Variants in PPME1 observed in about 807,000 individuals in gnomAD.
PPME1 encodes the protein testicular secretory protein Li 39.
PPME1 carries 17 observed loss-of-function variants against 56.9 expected under a neutral mutation model. The observed-to-expected ratio is 0.30, with a 90% CI of 0.20 to 0.45. The LOEUF is 0.45. Among genes scored for constraint, PPME1 ranks in the 20% least tolerant of loss-of-function variants. The probability of loss-of-function intolerance (pLI) is 1.00; values close to 1 mark genes in which losing one functional copy is unlikely to be tolerated. For synonymous variants in PPME1, 122 were observed against 156.2 expected (o/e 0.78, Z 1.63); for missense variants, 357 against 483.2 (o/e 0.74, Z 2.45).
chr11:74,240,649 C>G (rs1859332379), intron 9 of PPME1, among the ~76,000 whole-genome samples: 1 of 152,166 alleles, frequency 6.6e-6, no homozygotes, highest in Non-Finnish European at 1.5e-5. Flanking sequence ...AAATGTAATA[C>G]TTTGTACCTC....
intron 9 of PPME1, among the ~76,000 whole-genome samples, chr11:74,241,633 A>C (rs1487083376): frequency 1.3e-5 from 2 of 152,206 alleles, no homozygotes; most frequent in Non-Finnish European, 2.9e-5. Flanking sequence ...CCAGTTTCTC[A>C]GTATCCTTGT....
At chr11:74,217,541 CAAAAAAA>C (rs61139169) in intron 3 of PPME1, among the ~76,000 whole-genome samples, 8 of 79,034 alleles carry the variant, frequency 1.0e-4, no homozygotes, top group South Asian at 4.8e-4. Flanking sequence ...GACTCCGTCT[CAAAAAAA>C]AAAAAAAAAA....
chr11:74,193,319 A>G (rs1212858176), intron 1 of PPME1, among the ~76,000 whole-genome samples: 4 of 152,242 alleles, frequency 2.6e-5, no homozygotes, highest in African/African-American at 7.2e-5. Flanking sequence ...AGTTTACACA[A>G]ACTTTGTTTT....
chr11:74,192,601 G>A (rs977047125), intron 1 of PPME1, among the ~76,000 whole-genome samples: 1 of 152,174 alleles, frequency 6.6e-6, no homozygotes, highest in African/African-American at 2.4e-5. Flanking sequence ...AATCCCCAAT[G>A]CTGGAGGTGG....
Position 74,171,319 on chromosome 11 carries a change from G to A in PPME1, c.-103G>A. The A allele has an allele frequency of 1.3e-6, 2 of 1,511,646 alleles. No individual in the cohort carries two copies. The highest frequency in any genetic ancestry group is 1.8e-6 in the Non-Finnish European group (2 of 1,128,986). 93.6% of individuals were successfully genotyped at this position (1,511,646 alleles called of 1,614,324 possible). Reference sequence around the variant, plus strand: ...GGGTAGCTGGGTGCTGTCCAAAGGCGACAGGGCGTCGTTAGGGGAGCGAGT... The same window carrying A: ...GGGTAGCTGGGTGCTGTCCAAAGGCAACAGGGCGTCGTTAGGGGAGCGAGT... On this transcript the variant is annotated 5_prime_UTR_variant, in exon 1 of 14. Transcript: ENST00000328257.
intron 1 of PPME1, among the ~76,000 whole-genome samples, chr11:74,181,076 C>T (rs1388670188): frequency 8.4e-6 from 1 of 119,480 alleles, no homozygotes; most frequent in African/African-American, 3.2e-5. Flanking sequence ...CTCGCTTTGT[C>T]GCCCAGGTCG....
rs559990709 is a variant in PPME1, at chr11:74,197,656, G to A, written c.102-6072G>A. ...GGGTTGTGAAAATAAACCTTTAGTT[G>A]GTAGCAAATGGAAAATGAATTCAGG... On this transcript the variant is annotated intron_variant, in intron 1 of 13. Coordinates refer to ENST00000328257, the MANE Select transcript of PPME1 (RefSeq NM_016147.3). Among the ~76,000 whole-genome samples the A allele has an allele frequency of 7.7e-4, 117 of 152,250 alleles. 1 individual carries two copies. Among genetic ancestry groups the A allele is most frequent in the African/African-American group, 2.7e-3 (114 of 41,550 alleles).
At chr11:74,206,985 A>G (rs1337067511) in intron 3 of PPME1, among the ~76,000 whole-genome samples, 1 of 152,250 alleles carries the variant, frequency 6.6e-6, no homozygotes, top group Non-Finnish European at 1.5e-5. Context: ...GATTAGCCAG[A>G]TAAGGACTGA....
chr11:74,220,785 T>C (rs1459166315), intron 3 of PPME1, among the ~76,000 whole-genome samples: 1 of 152,240 alleles, frequency 6.6e-6, no homozygotes, highest in Non-Finnish European at 1.5e-5. Context: ...AGTCTAGTTC[T>C]TAAATAGCTG....
intron 5 of PPME1, 86 bp downstream of exon 5, chr11:74,225,342 A>T: frequency 2.0e-6 from 2 of 998,702 alleles, no homozygotes; most frequent in Non-Finnish European, 2.9e-6. Flanking sequence ...TCCTGATGAG[A>T]TTGTTGGGGA....
intron 3 of PPME1, among the ~76,000 whole-genome samples, chr11:74,214,552 TAAAG>T (rs1237901433): frequency 6.6e-6 from 1 of 151,654 alleles, no homozygotes; most frequent in Non-Finnish European, 1.5e-5. Flanking sequence ...AGGTCAAAGA[TAAAG>T]AATTCTAAAA....
At chr11:74,240,247 A>G (rs577703888) in intron 9 of PPME1, among the ~76,000 whole-genome samples, 56 of 152,238 alleles carry the variant, frequency 3.7e-4, no homozygotes, top group Non-Finnish European at 7.1e-4. Context: ...CAGAAATACT[A>G]TGGTCCTTTG....
intron 1 of PPME1, among the ~76,000 whole-genome samples, chr11:74,202,941 C>T (rs1175783457): frequency 2.0e-5 from 3 of 151,928 alleles, no homozygotes; most frequent in Non-Finnish European, 4.4e-5. Flanking sequence ...GCACGCATAT[C>T]GTGTTCATCT....
intron 1 of PPME1, among the ~76,000 whole-genome samples, chr11:74,175,478 G>T (rs1857380162): frequency 6.6e-6 from 1 of 151,766 alleles, no homozygotes; most frequent in South Asian, 2.1e-4. Flanking sequence ...TCCAGCCAGG[G>T]CAACAAGAGC....
chr11:74,174,353 A>G (rs906471443), intron 1 of PPME1, among the ~76,000 whole-genome samples: 9 of 152,324 alleles, frequency 5.9e-5, no homozygotes, highest in African/African-American at 1.9e-4. Flanking sequence ...TGAGTTGTGT[A>G]TCTTACTCAT....
intron 1 of PPME1, among the ~76,000 whole-genome samples, chr11:74,200,412 C>T (rs540976214): frequency 7.9e-5 from 12 of 151,848 alleles, no homozygotes; most frequent in African/African-American, 2.2e-4. Flanking sequence ...GACGAAGTCT[C>T]GCTCTGTCAC....
At position 74,251,110 on chromosome 11, in the gene PPME1, G is replaced by T. The variant is rs1859647346; in HGVS notation, c.1074+92G>T. 2.0e-6 allele frequency: 3 copies of T among 1,533,008 alleles called. No homozygotes were observed. In the East Asian group the frequency reaches 7.4e-5, roughly 38 times the overall value. The allele number at this position is 1,533,008 out of a possible 1,614,324, so 95.0% of individuals were successfully genotyped here. A position where few individuals can be genotyped will look rare whatever the true frequency, so the allele number is the denominator to read the frequency against. On this transcript the variant is annotated intron_variant, in intron 12 of 13. Coordinates refer to ENST00000328257, the MANE Select transcript of PPME1 (RefSeq NM_016147.3). ...AAGTCTCTGAGTCTCAGCCTGCATT[G>T]CCTGCAGCAGCTGCTGTGGAGCCTA...
At chr11:74,197,202 A>T (rs569009892) in intron 1 of PPME1, among the ~76,000 whole-genome samples, 1 of 152,364 alleles carries the variant, frequency 6.6e-6, no homozygotes, top group South Asian at 2.1e-4. Context: ...AAGGATTATT[A>T]GCCTCAAAGC....
chr11:74,216,991 A>G (rs1858663939), intron 3 of PPME1, among the ~76,000 whole-genome samples: 1 of 152,204 alleles, frequency 6.6e-6, no homozygotes, highest in Non-Finnish European at 1.5e-5. Flanking sequence ...GTCTCCCAGT[A>G]AAGAAAAATG....
Sources: allele counts gnomAD v4.1 joint callset (sites outside exome capture counted in the v4.1 genomes callset), GRCh38; gene constraint gnomAD v4.1.1; transcripts MANE v1.5; gene names NCBI Gene and HGNC (gene_info 2026-07-23, HGNC 2026-07-21).